SNTG2: variants seen among roughly 807,000 people sequenced by gnomAD.
The protein encoded by SNTG2 is syntrophin gamma 2.
SNTG2 carries 74 observed loss-of-function variants against 70.9 expected under a neutral mutation model. The ratio of observed to expected loss-of-function variants is 1.04; its 90% confidence interval spans 0.86 to 1.27. The LOEUF (loss-of-function observed/expected upper bound fraction) is 1.27. Among genes scored for constraint, SNTG2 ranks in the 50% most tolerant of loss-of-function variants. The pLI, the probability that SNTG2 is intolerant of heterozygous loss-of-function variation, is 0.00. For missense variants in SNTG2, 717 were observed against 690.7 expected (o/e 1.04, Z -0.43); for synonymous variants, 278 against 273.8 (o/e 1.02, Z -0.15).
chr2:951,322 A>C lies in SNTG2; in HGVS notation c.72+254A>C, dbSNP rs544213501. ...GGCTTTGCTCCTCCAGCGTCTTCCA[A>C]GGTTTGGTTTTGAGGCGCCCGGGCT... is the stretch of plus-strand genomic sequence containing the variant. On this transcript the variant is annotated intron_variant, in intron 1 of 16. Coordinates refer to ENST00000308624, the MANE Select transcript of SNTG2 (RefSeq NM_018968.4). 3.9e-3 allele frequency among the ~76,000 whole-genome samples: 600 copies of C among 152,286 alleles called. 6 individuals carry two copies. Among genetic ancestry groups the C allele is most frequent in the African/African-American group, 0.014 (577 of 41,568 alleles).
intron 1 of SNTG2, among the ~76,000 whole-genome samples, chr2:1,044,016 C>T (rs1275738698): frequency 1.3e-5 from 2 of 152,102 alleles, no homozygotes; most frequent in African/African-American, 2.4e-5. Context: ...GACATTTTAA[C>T]AGTATTGATC....
chr2:1,207,771 A>G (rs1673737489), intron 8 of SNTG2, among the ~76,000 whole-genome samples: 1 of 152,116 alleles, frequency 6.6e-6, no homozygotes, highest in Admixed American at 6.5e-5. Context: ...CCGCAAACCA[A>G]CCAGAGCCAG....
chr2:1,259,511 ATTGT>A (rs1678305291), intron 13 of SNTG2, 70 bp downstream of exon 13: 3 of 1,299,648 alleles, frequency 2.3e-6, no homozygotes, highest in Non-Finnish European at 3.3e-6. Context: ...GAATGAGAGG[ATTGT>A]TTGTTCTGCG....
chr2:1,222,079 G>GTCTCTGTCTCTCTCTGTCTC (rs1228794315), intron 9 of SNTG2, among the ~76,000 whole-genome samples: 2 of 14,610 alleles, frequency 1.4e-4, no homozygotes, highest in African/African-American at 4.5e-4. Flanking sequence ...CTCTGTCTCT[G>GTCTCTGTCTCTCTCTGTCTC]TCTCTGTCTC....
In SNTG2 at chr2:1,255,934, AAAT is replaced by A. The variant is rs1330685425; in HGVS notation, c.1006-3434_1006-3432del. Among the ~76,000 whole-genome samples the A allele has an allele frequency of 1.3e-4, 9 of 71,828 alleles. 1 individual carries two copies. Among genetic ancestry groups the A allele is most frequent in the African/African-American group, 6.5e-4 (8 of 12,324 alleles). 47.1% of individuals were successfully genotyped at this position (71,828 alleles called of 152,430 possible). A position where few individuals can be genotyped will look rare whatever the true frequency, so the allele number is the denominator to read the frequency against. On this transcript the variant is annotated intron_variant, in intron 12 of 16. Coordinates refer to ENST00000308624, the MANE Select transcript of SNTG2 (RefSeq NM_018968.4). ...TATATATATAAATATATAAATATAT[AAAT>A]ATATATATATATAACTACATGTGTT... is the stretch of plus-strand genomic sequence containing the variant.
intron 16 of SNTG2, among the ~76,000 whole-genome samples, chr2:1,349,733 C>T (rs1015502971): frequency 6.6e-6 from 1 of 152,218 alleles, no homozygotes; most frequent in Non-Finnish European, 1.5e-5. Flanking sequence ...ATGCCAGGGA[C>T]TGTGCTGGGT....
In SNTG2 at chr2:1,118,002, G is replaced by GC. The variant is rs375789114; in HGVS notation, c.325+19598dup. On this transcript the variant is annotated intron_variant, in intron 4 of 16. Transcript: ENST00000308624. The stretch of plus-strand genomic sequence containing the variant: ...CAGGGCCATGACAGTGCTATGTCCA[G>GC]CCCCCCAGGGTCAGAACCAGAGCTA... 5.5e-3 allele frequency among the ~76,000 whole-genome samples: 837 copies of GC among 152,098 alleles called. 7 individuals are homozygous for GC. The highest frequency in any genetic ancestry group is 0.02 in the African/African-American group (814 of 41,518).
At chr2:1,332,080 T>G (rs188352084) in intron 16 of SNTG2, among the ~76,000 whole-genome samples, 1,542 of 152,324 alleles carry the variant, frequency 0.01, 26 homozygotes, top group African/African-American at 0.034. Flanking sequence ...GGGTTCCAGT[T>G]CTCAGCTTGT....
chr2:1,340,977 G>T (rs559286235), intron 16 of SNTG2: 3 of 152,148 alleles, frequency 2.0e-5, no homozygotes, highest in Admixed American at 6.5e-5. Context: ...CAGAGTTTAC[G>T]TGCAGTATCT....
At chr2:1,257,147 T>C (rs950290430) in intron 12 of SNTG2, among the ~76,000 whole-genome samples, 3 of 152,074 alleles carry the variant, frequency 2.0e-5, no homozygotes, top group African/African-American at 4.8e-5. Context: ...ATAACATCCA[T>C]GTGGCTCAAG....
intron 16 of SNTG2, among the ~76,000 whole-genome samples, chr2:1,333,079 G>T (rs926150397): frequency 6.6e-6 from 1 of 152,168 alleles, no homozygotes; most frequent in Non-Finnish European, 1.5e-5. Context: ...AAAGCTCCTA[G>T]ATCTGATAAA....
At chr2:1,193,917 CGAGTGGAGCTTT>C in intron 8 of SNTG2, among the ~76,000 whole-genome samples, 1 of 152,314 alleles carries the variant, frequency 6.6e-6, no homozygotes. Flanking sequence ...TCTGACTTTC[CGAGTGGAGCTTT>C]GGCTGCAGGC....
chr2:1,070,810 C>T (rs920994956), intron 1 of SNTG2, among the ~76,000 whole-genome samples: 2 of 152,156 alleles, frequency 1.3e-5, no homozygotes, highest in Admixed American at 6.5e-5. Context: ...TGAACCGTGA[C>T]GAGGGTGTGC....
chr2:1,267,508 C>A lies in SNTG2; in HGVS notation c.1221C>A (p.Ser407Arg). 6.2e-7 allele frequency: 1 copy of A among 1,613,810 alleles called. No individual in the cohort carries two copies. The highest frequency in any genetic ancestry group is 8.5e-7 in the Non-Finnish European group (1 of 1,179,894). ...ATGTTTTCAACGTGGAGCTTGGCAG[C>A]GAGCTGGCCATGTGGGAGAAGTCCT... Reference protein sequence around the residue: ...KSHVFNVELGSELAMWEKSFQ... With the variant: ...KSHVFNVELGRELAMWEKSFQ... Residue 407 changes from serine to arginine, a missense_variant, in exon 14 of 17, where the codon AGC (serine) becomes AGA (arginine). By Grantham distance (110) the Ser-to-Arg change is moderately radical (BLOSUM62 -1). Transcript: ENST00000308624.
chr2:1,077,848 A>G (rs1472425789), intron 1 of SNTG2, among the ~76,000 whole-genome samples: 1 of 152,138 alleles, frequency 6.6e-6, no homozygotes, highest in Non-Finnish European at 1.5e-5. Context: ...TAGTCTGAAG[A>G]TCTTTCTCCG....
intron 6 of SNTG2, among the ~76,000 whole-genome samples, chr2:1,152,922 G>A (rs372056093): frequency 1.5e-4 from 23 of 152,090 alleles, no homozygotes; most frequent in African/African-American, 5.3e-4. Context: ...TCAGGAGTTC[G>A]AGACCAGCCT....
chr2:1,352,979 G>A (rs1298116806), intron 16 of SNTG2, among the ~76,000 whole-genome samples: 3 of 152,096 alleles, frequency 2.0e-5, no homozygotes, highest in Non-Finnish European at 4.4e-5. Context: ...AGTTCAGGGG[G>A]CTCAGTGGGG....
intron 1 of SNTG2, among the ~76,000 whole-genome samples, chr2:1,027,171 G>A (rs568411033): frequency 6.6e-6 from 1 of 152,304 alleles, no homozygotes; most frequent in South Asian, 2.1e-4. Flanking sequence ...AGAGAACAGG[G>A]ATCTCGTCTG....
chr2:1,338,386 T>C (rs1659922636), intron 16 of SNTG2, among the ~76,000 whole-genome samples: 1 of 152,214 alleles, frequency 6.6e-6, no homozygotes, highest in African/African-American at 2.4e-5. Context: ...TTTTTAGTTT[T>C]CATTCTACAA....
Sources: gnomAD v4.1 joint callset for allele counts (sites outside exome capture counted in the v4.1 genomes callset) on GRCh38, gnomAD v4.1.1 for gene constraint, MANE v1.5 for transcripts, NCBI Gene and HGNC (gene_info 2026-07-23, HGNC 2026-07-21) for gene names.